The following OXR1 variants were observed in gnomAD, a reference collection of about 807,000 sequenced individuals.
The protein encoded by OXR1 is oxidation resistance protein 1.
A neutral mutation model predicts 104.6 loss-of-function variants in OXR1; 41 were observed. The observed-to-expected ratio is 0.39, with a 90% CI of 0.31 to 0.51. The LOEUF is 0.51. Ranked by LOEUF, OXR1 falls within the 20% of genes least tolerant of loss-of-function variation. OXR1 has a pLI of 0.77. For synonymous variants in OXR1, 348 were observed against 348.4 expected (o/e 1.00, Z 0.01); for missense variants, 955 against 1,031.9 (o/e 0.93, Z 1.02).
intron 11 of OXR1, among the ~76,000 whole-genome samples, chr8:106,727,024 G>A (rs913105399): frequency 5.3e-5 from 8 of 152,076 alleles, no homozygotes; most frequent in African/African-American, 1.7e-4. Context: ...GCAGCTTGCC[G>A]CCCTTAAATG....
At chr8:106,541,111 C>T (rs551992680) in intron 3 of OXR1, among the ~76,000 whole-genome samples, 4 of 152,248 alleles carry the variant, frequency 2.6e-5, no homozygotes, top group African/African-American at 9.6e-5. Context: ...CTCTATATCA[C>T]TATGTTGTTT....
chr8:106,432,521 C>T (rs532995519), intron 2 of OXR1, among the ~76,000 whole-genome samples: 6 of 152,242 alleles, frequency 3.9e-5, no homozygotes, highest in South Asian at 4.2e-4. Flanking sequence ...ATCCTCCCAC[C>T]GTCTTGTCTC....
intron 2 of OXR1, among the ~76,000 whole-genome samples, chr8:106,452,099 G>C (rs1471307586): frequency 6.6e-6 from 1 of 152,122 alleles, no homozygotes; most frequent in Admixed American, 6.6e-5. Context: ...AACTCCATCT[G>C]CATTTGGTTT....
chr8:106,706,551 C>T lies in OXR1; in HGVS notation c.1030C>T (p.Leu344Phe). Residue 344 changes from leucine to phenylalanine, a missense_variant, in exon 9 of 17, where the codon CTT becomes TTT. Physicochemically the swap from Leu to Phe is conservative, Grantham distance 22 (BLOSUM62 0). Around this residue, in one of 2 missense-constraint regions of OXR1, gnomAD observed 849 missense variants for 852.9 expected, o/e 1.00. Coordinates refer to ENST00000517566, the MANE Select transcript of OXR1 (RefSeq NM_001198533.2). ...LSEDVFTESELSPIREELVSS... is the reference protein window; with the variant it reads ...LSEDVFTESEFSPIREELVSS... ...TGAAGATGTGTTCACAGAATCAGAA[C>T]TTTCCCCTATACGAGAGGAGCTTGT... The T allele has an allele frequency of 6.2e-7, 1 of 1,610,538 alleles. No individual in the cohort carries two copies. The highest frequency in any genetic ancestry group is 8.5e-7 in the Non-Finnish European group (1 of 1,179,060).
At chr8:106,600,730 T>C (rs1416029595) in intron 3 of OXR1, among the ~76,000 whole-genome samples, 1 of 152,174 alleles carries the variant, frequency 6.6e-6, no homozygotes, top group Non-Finnish European at 1.5e-5. Flanking sequence ...CTTTTTCTTA[T>C]ATTATTCCAG....
chr8:106,291,328 T>C (rs1201074979), intron 1 of OXR1, among the ~76,000 whole-genome samples: 1 of 152,056 alleles, frequency 6.6e-6, no homozygotes, highest in African/African-American at 2.4e-5. Flanking sequence ...AAACTACCTA[T>C]TGGGTATTGT....
chr8:106,285,905 T>C (rs372707894), intron 1 of OXR1, among the ~76,000 whole-genome samples: 20 of 152,062 alleles, frequency 1.3e-4, no homozygotes, highest in African/African-American at 4.4e-4. Flanking sequence ...TGGACTTCCC[T>C]CCTTCTGGGA....
At chr8:106,371,180 T>G (rs778160026) in intron 2 of OXR1, among the ~76,000 whole-genome samples, 1 of 152,178 alleles carries the variant, frequency 6.6e-6, no homozygotes, top group Non-Finnish European at 1.5e-5. Context: ...TTTTCTAGTT[T>G]GTTTGCATAG....
chr8:106,574,192 G>T (rs1817667600), intron 3 of OXR1, among the ~76,000 whole-genome samples: 1 of 151,950 alleles, frequency 6.6e-6, no homozygotes, highest in African/African-American at 2.4e-5. Flanking sequence ...ATACTAATTT[G>T]CTCCTATAAA....
At chr8:106,581,075 C>A in intron 3 of OXR1, 1 of 1,198,080 alleles carries the variant, frequency 8.3e-7, no homozygotes, top group Non-Finnish European at 1.1e-6. Context: ...CAATAGTCTG[C>A]TAAAGATGGA....
At chr8:106,347,800 C>T (rs1815560643) in intron 1 of OXR1, among the ~76,000 whole-genome samples, 1 of 151,960 alleles carries the variant, frequency 6.6e-6, no homozygotes, top group Non-Finnish European at 1.5e-5. Context: ...TCTCTGATTC[C>T]CATGGCTAGA....
At chr8:106,317,630 A>G (rs564494643) in intron 1 of OXR1, among the ~76,000 whole-genome samples, 2 of 152,224 alleles carry the variant, frequency 1.3e-5, no homozygotes, top group East Asian at 1.9e-4. Context: ...AAGGTGCTCA[A>G]AAACAGGGGG....
At chr8:106,507,512 C>T (rs1228046915) in intron 2 of OXR1, among the ~76,000 whole-genome samples, 1 of 152,182 alleles carries the variant, frequency 6.6e-6, no homozygotes, top group Non-Finnish European at 1.5e-5. Flanking sequence ...AAATTGACTA[C>T]ATGAAGTTAC....
chr8:106,585,148 T>C, intron 3 of OXR1, among the ~76,000 whole-genome samples: 1 of 152,124 alleles, frequency 6.6e-6, no homozygotes, highest in Non-Finnish European at 1.5e-5. Context: ...AAAAGTTGCT[T>C]ATTTGACTAA....
At chr8:106,730,535 C>T (rs1362673481) in intron 11 of OXR1, among the ~76,000 whole-genome samples, 1 of 152,100 alleles carries the variant, frequency 6.6e-6, no homozygotes, top group Non-Finnish European at 1.5e-5. Flanking sequence ...ATTTAAGACT[C>T]CTTCATGTCT....
chr8:106,581,506 T>A (rs1435635100), intron 3 of OXR1, among the ~76,000 whole-genome samples: 2 of 152,224 alleles, frequency 1.3e-5, no homozygotes, highest in South Asian at 2.1e-4. Flanking sequence ...TGTTTTTTTT[T>A]TAAAAAAAAC....
intron 3 of OXR1, among the ~76,000 whole-genome samples, chr8:106,603,788 C>G (rs1219430172): frequency 6.6e-6 from 1 of 152,170 alleles, no homozygotes; most frequent in Admixed American, 6.5e-5. Flanking sequence ...CACAGTGGCT[C>G]ACACCTATAA....
At chr8:106,412,157 G>C (rs2130509178) in intron 2 of OXR1, among the ~76,000 whole-genome samples, 1 of 152,246 alleles carries the variant, frequency 6.6e-6, no homozygotes, top group African/African-American at 2.4e-5. Context: ...ATTCCTGTGA[G>C]ATACTAGTGT....
chr8:106,717,461 A>C (rs1019410691), intron 11 of OXR1, among the ~76,000 whole-genome samples: 3 of 152,168 alleles, frequency 2.0e-5, no homozygotes, highest in Non-Finnish European at 2.9e-5. Context: ...ACCTCTACTC[A>C]CTGTTATTCT....
Sources: gnomAD v4.1 joint callset for allele counts (sites outside exome capture counted in the v4.1 genomes callset) on GRCh38, gnomAD v4.1.1 for gene constraint, gnomAD v4.1.1 regional missense constraint, MANE v1.5 for transcripts, NCBI Gene and HGNC (gene_info 2026-07-23, HGNC 2026-07-21) for gene names.